ZMAT4: variants seen among roughly 807,000 people sequenced by gnomAD.
The protein encoded by ZMAT4 is zinc finger matrin-type protein 4.
In ZMAT4, 17 loss-of-function variants were observed where a neutral mutation model predicts 28.7. The ratio of observed to expected loss-of-function variants is 0.59; its 90% confidence interval spans 0.41 to 0.89. ZMAT4 has a LOEUF of 0.89. Ranked by LOEUF, ZMAT4 falls within the 40% of genes least tolerant of loss-of-function variation. The pLI is 0.00. For missense variants in ZMAT4, 240 were observed against 283.8 expected, an observed-to-expected ratio of 0.85 and a Z score of 1.11; for synonymous variants, 117 against 109.2, an observed-to-expected ratio of 1.07 and a Z score of -0.44.
At chr8:40,601,341 G>A (rs191032605) in intron 5 of ZMAT4, among the ~76,000 whole-genome samples, 8 of 145,602 alleles carry the variant, frequency 5.5e-5, no homozygotes, top group Admixed American at 4.3e-4. Context: ...TGGTTTAAAA[G>A]GTCTTCAAAG....
chr8:40,850,860 A>C (rs920096258), intron 1 of ZMAT4, among the ~76,000 whole-genome samples: 1 of 152,180 alleles, frequency 6.6e-6, no homozygotes, highest in Non-Finnish European at 1.5e-5. Flanking sequence ...GAACGCTTTT[A>C]TGCACTTAAA....
chr8:40,616,628 T>G (rs1334503821), intron 5 of ZMAT4, among the ~76,000 whole-genome samples: 1 of 151,594 alleles, frequency 6.6e-6, no homozygotes, highest in Non-Finnish European at 1.5e-5. Context: ...GAGCAAACTA[T>G]CACAAGGACA....
At chr8:40,850,494 T>A (rs915395067) in intron 1 of ZMAT4, among the ~76,000 whole-genome samples, 1 of 152,164 alleles carries the variant, frequency 6.6e-6, no homozygotes, top group Non-Finnish European at 1.5e-5. Context: ...TGTTTATGTG[T>A]TTTTGTCTAA....
intron 3 of ZMAT4, among the ~76,000 whole-genome samples, chr8:40,747,424 AT>A (rs1812285700): frequency 6.6e-6 from 1 of 152,144 alleles, no homozygotes; most frequent in Non-Finnish European, 1.5e-5. Context: ...GAAAAGCCAT[AT>A]AAACCCTTCC....
intron 6 of ZMAT4, among the ~76,000 whole-genome samples, chr8:40,552,973 A>G (rs1232004175): frequency 1.3e-5 from 2 of 152,200 alleles, no homozygotes; most frequent in Non-Finnish European, 2.9e-5. Context: ...AGTTATTTAT[A>G]TCCTGCTGCT....
At chr8:40,576,771 C>G (rs1233629454) in intron 6 of ZMAT4, among the ~76,000 whole-genome samples, 1 of 152,100 alleles carries the variant, frequency 6.6e-6, no homozygotes, top group Non-Finnish European at 1.5e-5. Flanking sequence ...AGGAATCAAA[C>G]CTTATCACTA....
At chr8:40,721,297 AG>A (rs1441715306) in intron 3 of ZMAT4, among the ~76,000 whole-genome samples, 1 of 137,036 alleles carries the variant, frequency 7.3e-6, no homozygotes, top group South Asian at 2.6e-4. Flanking sequence ...GTCCCTACAA[AG>A]GACATGAACT....
intron 5 of ZMAT4, among the ~76,000 whole-genome samples, chr8:40,646,573 A>C (rs767394552): frequency 2.6e-5 from 4 of 152,132 alleles, no homozygotes; most frequent in Non-Finnish European, 5.9e-5. Context: ...CATTTAATAA[A>C]TTGTATTTAT....
At chr8:40,583,232 T>C (rs1197761060) in intron 5 of ZMAT4, among the ~76,000 whole-genome samples, 2 of 152,160 alleles carry the variant, frequency 1.3e-5, no homozygotes, top group Non-Finnish European at 2.9e-5. Flanking sequence ...AAGATCCAAA[T>C]GGCTAGAGAC....
At chr8:40,664,348 CTCT>C (rs1808317811) in intron 5 of ZMAT4, among the ~76,000 whole-genome samples, 1 of 152,148 alleles carries the variant, frequency 6.6e-6, no homozygotes, top group African/African-American at 2.4e-5. Flanking sequence ...TGCCTTTTCT[CTCT>C]TCTTCTACTT....
chr8:40,540,819 G>C (rs571203921), intron 6 of ZMAT4, among the ~76,000 whole-genome samples: 1 of 152,172 alleles, frequency 6.6e-6, no homozygotes. Flanking sequence ...CTCTGATTCT[G>C]ATTCTGTTTC....
chr8:40,775,634 A>G (rs1403909375), intron 2 of ZMAT4, among the ~76,000 whole-genome samples: 4 of 152,154 alleles, frequency 2.6e-5, no homozygotes, highest in Non-Finnish European at 5.9e-5. Context: ...AGAGTCAGGG[A>G]TCCACTAGAT....
chr8:40,724,625 A>G (rs1021646433), intron 3 of ZMAT4, among the ~76,000 whole-genome samples: 19 of 152,212 alleles, frequency 1.2e-4, no homozygotes, highest in Non-Finnish European at 2.4e-4. Flanking sequence ...TCACTGGGTC[A>G]GTCAACCTCA....
intron 3 of ZMAT4, among the ~76,000 whole-genome samples, chr8:40,734,222 A>T (rs920184038): frequency 6.6e-6 from 1 of 152,190 alleles, no homozygotes; most frequent in Non-Finnish European, 1.5e-5. Flanking sequence ...ATTGCTCTCC[A>T]AATTTCAGGA....
intron 5 of ZMAT4, among the ~76,000 whole-genome samples, chr8:40,662,171 G>A (rs1164206353): frequency 2.0e-5 from 3 of 151,826 alleles, no homozygotes; most frequent in Non-Finnish European, 4.4e-5. Context: ...TATAGAGATG[G>A]GGCTTTACTA....
intron 4 of ZMAT4, among the ~76,000 whole-genome samples, chr8:40,691,659 T>C (rs926928215): frequency 6.6e-6 from 1 of 152,222 alleles, no homozygotes; most frequent in Non-Finnish European, 1.5e-5. Context: ...CTTACACTTG[T>C]ATGTATTTAC....
At chr8:40,590,630 C>T (rs553912994) in intron 5 of ZMAT4, among the ~76,000 whole-genome samples, 116 of 152,192 alleles carry the variant, frequency 7.6e-4, no homozygotes, top group Admixed American at 1.7e-3. Flanking sequence ...CTACTATGGT[C>T]TCATCAGTGC....
intron 5 of ZMAT4, among the ~76,000 whole-genome samples, chr8:40,591,090 G>A (rs1804877703): frequency 2.0e-5 from 3 of 152,210 alleles, no homozygotes; most frequent in Middle Eastern, 6.8e-3. Flanking sequence ...CTTCATGTCT[G>A]TGTCTTTCAA....
At chr8:40,558,962 A>C (rs2118455379) in intron 6 of ZMAT4, among the ~76,000 whole-genome samples, 1 of 152,346 alleles carries the variant, frequency 6.6e-6, no homozygotes, top group African/African-American at 2.4e-5. Context: ...ACAGGACCTA[A>C]GGCCATGCCA....
Sources: allele counts gnomAD v4.1 joint callset (sites outside exome capture counted in the v4.1 genomes callset), GRCh38; gene constraint gnomAD v4.1.1; transcripts MANE v1.5; gene names NCBI Gene and HGNC (gene_info 2026-07-23, HGNC 2026-07-21).